Variants in CTTNBP2 observed in about 807,000 individuals in gnomAD.
The protein encoded by CTTNBP2 is cortactin binding protein 2, also known as cortactin-binding protein 2.
In CTTNBP2, 108 loss-of-function variants were observed where a neutral mutation model predicts 156.9. The observed-to-expected ratio is 0.69, with a 90% confidence interval of 0.59 to 0.81. The LOEUF is 0.81. Ranked by LOEUF, CTTNBP2 falls within the 30% of genes least tolerant of loss-of-function variation. The pLI is 0.00. For missense variants in CTTNBP2, 1,924 were observed against 2,035.4 expected (o/e 0.95, Z 1.05); for synonymous variants, 767 against 751.8 (o/e 1.02, Z -0.33).
At chr7:117,772,776 A>G (rs973460416) in intron 8 of CTTNBP2, among the ~76,000 whole-genome samples, 1 of 152,186 alleles carries the variant, frequency 6.6e-6, no homozygotes, top group Non-Finnish European at 1.5e-5. Flanking sequence ...TCAAGTGAGA[A>G]AGTTCAGAGT....
intron 2 of CTTNBP2, among the ~76,000 whole-genome samples, chr7:117,813,132 C>G (rs1010321085): frequency 2.6e-5 from 4 of 152,174 alleles, no homozygotes; most frequent in Admixed American, 2.6e-4. Flanking sequence ...GGTCAGCTAG[C>G]TTTACCAACC....
chr7:117,785,920 T>C (rs553494682), intron 4 of CTTNBP2, among the ~76,000 whole-genome samples: 106 of 152,302 alleles, frequency 7.0e-4, no homozygotes, highest in Non-Finnish European at 6.0e-4. Context: ...CTGATTACGA[T>C]ATGTGGTAAT....
chr7:117,769,540 T>C (rs1461021059), intron 8 of CTTNBP2, among the ~76,000 whole-genome samples: 2 of 152,194 alleles, frequency 1.3e-5, no homozygotes, highest in African/African-American at 4.8e-5. Flanking sequence ...ATTAAAAAAG[T>C]AAATCTTAAA....
At chr7:117,854,151 G>A (rs1172630150) in intron 2 of CTTNBP2, among the ~76,000 whole-genome samples, 1 of 152,040 alleles carries the variant, frequency 6.6e-6, no homozygotes, top group African/African-American at 2.4e-5. Flanking sequence ...TCTCTAGCAT[G>A]GCACAAAAGC....
At chr7:117,747,789 A>C (rs1439729556) in intron 12 of CTTNBP2, among the ~76,000 whole-genome samples, 1 of 152,096 alleles carries the variant, frequency 6.6e-6, no homozygotes, top group Non-Finnish European at 1.5e-5. Flanking sequence ...AAAAAGAAAA[A>C]AGACATGAGG....
In CTTNBP2 at chr7:117,710,911, T is replaced by G. The variant is rs1307885369; in HGVS notation, c.*626A>C. ...TTTTACAGGAGTCATAATGCAAACT[T>G]ATAAGCATAAATATATACATGATGC... On this transcript the variant is annotated 3_prime_UTR_variant, in exon 23 of 23. Transcript: ENST00000160373. 6.6e-6 allele frequency: 1 copy of G among 152,602 alleles called. No individual in the cohort carries two copies. The highest frequency in any genetic ancestry group is 1.5e-5 in the Non-Finnish European group (1 of 68,000). The allele number at this position is 152,602 out of a possible 1,614,324, so 9.5% of individuals were successfully genotyped here.
chr7:117,792,499 CAGAG>C lies in CTTNBP2; in HGVS notation c.693_696del (p.Glu233LeufsTer12). On this transcript the variant is annotated frameshift_variant, in exon 4 of 23. Transcript: ENST00000160373. LOFTEE classifies it high-confidence loss of function. The surrounding 1 kb of genome is among the most constrained non-coding windows in gnomAD (Gnocchi z 4.2). ...AGCTGTTCCCGCTCAGTGTCAAACT[CAGAG>C]AGTTGTTTTTCCATCTGAGCTTCCA... The C allele has an allele frequency of 6.2e-7, 1 of 1,614,188 alleles. No homozygotes were observed. The highest frequency in any genetic ancestry group is 2.2e-5 in the East Asian group (1 of 44,878).
chr7:117,858,695 T>C (rs961617525), intron 2 of CTTNBP2, among the ~76,000 whole-genome samples: 2 of 152,232 alleles, frequency 1.3e-5, no homozygotes, highest in African/African-American at 4.8e-5. Context: ...GTGCCATGTT[T>C]CAAATATCTC....
intron 17 of CTTNBP2, among the ~76,000 whole-genome samples, chr7:117,726,609 G>A (rs1345289646): frequency 1.3e-5 from 2 of 152,188 alleles, no homozygotes; most frequent in Non-Finnish European, 2.9e-5. Context: ...AGAGATAAAT[G>A]TCTCCTTCAG....
At chr7:117,712,601 A>G (rs1051957078) in intron 22 of CTTNBP2, among the ~76,000 whole-genome samples, 1 of 152,232 alleles carries the variant, frequency 6.6e-6, no homozygotes, top group Non-Finnish European at 1.5e-5. Context: ...CTTCAAAAGT[A>G]ATAATGCACC....
chr7:117,810,582 T>G (rs1234662184), intron 3 of CTTNBP2, among the ~76,000 whole-genome samples, 183 bp downstream of exon 3: 1 of 152,244 alleles, frequency 6.6e-6, no homozygotes, highest in African/African-American at 2.4e-5. Context: ...TTTAGTGTTA[T>G]TTTGAGTTAC....
At position 117,760,489 on chromosome 7, in the gene CTTNBP2, T is replaced by A; in HGVS notation, c.3118A>T (p.Thr1040Ser). The change falls in exon 10 of 23, where the codon ACC (threonine) becomes TCC (serine). Residue 1040 changes from threonine to serine, a missense_variant. Thr to Ser is a moderately conservative substitution (Grantham distance 58). Transcript: ENST00000160373. ...CTGAGGCCGATGTTGGAATCAGTGG[T>A]GTTATTGCAAGTCACGTCTTCCAGA... Reference protein sequence around the residue: ...WSLEDVTCNNTTDSNIGLSAR... With the variant: ...WSLEDVTCNNSTDSNIGLSAR... 1 of 1,614,128 alleles carries A rather than the reference T, an allele frequency of 6.2e-7. No individual in the cohort carries two copies. Among genetic ancestry groups the A allele is most frequent in the African/African-American group, 1.3e-5 (1 of 75,046 alleles).
rs1798372100 is a variant in CTTNBP2, at chr7:117,780,599, C to A, written c.2373-8G>T. The A allele has an allele frequency of 6.5e-7, 1 of 1,545,476 alleles. No homozygotes were observed. ...ATTAATAATTCTACACACCTAAACA[C>A]AAGATTAGGATTAATTACATAAAAC... On this transcript the variant is annotated splice_region_variant and splice_polypyrimidine_tract_variant and intron_variant, in intron 6 of 22. Coordinates refer to ENST00000160373, the MANE Select transcript of CTTNBP2 (RefSeq NM_033427.3).
intron 2 of CTTNBP2, among the ~76,000 whole-genome samples, chr7:117,817,798 G>T (rs2117008874): frequency 6.6e-6 from 1 of 152,092 alleles, no homozygotes; most frequent in South Asian, 2.1e-4. Flanking sequence ...TGCTTTTTAT[G>T]CATTTTGTCC....
intron 10 of CTTNBP2, among the ~76,000 whole-genome samples, chr7:117,760,082 C>A (rs1017698177): frequency 6.6e-6 from 1 of 152,130 alleles, no homozygotes; most frequent in Non-Finnish European, 1.5e-5. Context: ...GCTCCTGGCC[C>A]AACCCAAGAA....
intron 2 of CTTNBP2, among the ~76,000 whole-genome samples, chr7:117,848,201 G>C (rs190674791): frequency 1.0e-3 from 153 of 152,236 alleles, no homozygotes; most frequent in African/African-American, 3.5e-3. Context: ...AATGTTATGA[G>C]ATCAAGCTGG....
chr7:117,719,561 ATCTGCTT>A lies in CTTNBP2; in HGVS notation c.4580_4586del (p.Glu1527ValfsTer28). 1 of 1,613,990 alleles carries A rather than the reference ATCTGCTT, an allele frequency of 6.2e-7. No homozygotes were observed. Among genetic ancestry groups the A allele is most frequent in the Non-Finnish European group, 8.5e-7 (1 of 1,179,904 alleles). On this transcript the variant is annotated frameshift_variant, in exon 21 of 23. Coordinates refer to ENST00000160373, the MANE Select transcript of CTTNBP2 (RefSeq NM_033427.3). LOFTEE classifies it high-confidence loss of function. Reference sequence around the variant, plus strand: ...ACATGCTCTGAAGTTCCTTGACAAGATCTGCTTCGTCATCTGAACCCAGAGAGAGTCT... The same window carrying A: ...ACATGCTCTGAAGTTCCTTGACAAGACGTCATCTGAACCCAGAGAGAGTCT...
chr7:117,862,227 T>G (rs900912453), intron 1 of CTTNBP2, among the ~76,000 whole-genome samples: 1 of 130,368 alleles, frequency 7.7e-6, no homozygotes, highest in African/African-American at 2.9e-5. Flanking sequence ...TTGGCAGGCC[T>G]GGGAGGGAGC....
intron 2 of CTTNBP2, among the ~76,000 whole-genome samples, chr7:117,816,322 T>C (rs1031117915): frequency 2.0e-5 from 3 of 152,200 alleles, no homozygotes; most frequent in East Asian, 1.9e-4. Flanking sequence ...TTTGTAATGA[T>C]CATTGTTCTT....
Sources: gnomAD v4.1 joint callset for allele counts (sites outside exome capture counted in the v4.1 genomes callset) on GRCh38, gnomAD v4.1.1 for gene constraint, Gnocchi (gnomAD v3.1) non-coding constraint, MANE v1.5 for transcripts, NCBI Gene and HGNC (gene_info 2026-07-23, HGNC 2026-07-21) for gene names.